The following EYA4 variants were observed in gnomAD, a reference collection of about 807,000 sequenced individuals.
The protein encoded by EYA4 is EYA transcriptional coactivator and phosphatase 4.
EYA4 carries 31 observed loss-of-function variants against 87.9 expected under a neutral mutation model. The ratio of observed to expected loss-of-function variants is 0.35; its 90% CI spans 0.27 to 0.48. The LOEUF (loss-of-function observed/expected upper bound fraction) is 0.48. Ranked by LOEUF, EYA4 falls within the 20% of genes least tolerant of loss-of-function variation. The probability of loss-of-function intolerance (pLI) is 0.99; values close to 1 mark genes in which losing one functional copy is unlikely to be tolerated. For missense variants in EYA4, 678 were observed against 761.4 expected, an observed-to-expected ratio of 0.89 and a Z score of 1.29; for synonymous variants, 263 against 270.6, an observed-to-expected ratio of 0.97 and a Z score of 0.28.
chr6:133,249,179 T>C (rs963511776), intron 1 of EYA4, among the ~76,000 whole-genome samples: 1 of 152,154 alleles, frequency 6.6e-6, no homozygotes, highest in Non-Finnish European at 1.5e-5. Context: ...TGTATTCTTA[T>C]ATTTTTACAT....
intron 11 of EYA4, among the ~76,000 whole-genome samples, chr6:133,475,055 G>C (rs2128691656): frequency 6.6e-6 from 1 of 152,212 alleles, no homozygotes; most frequent in South Asian, 2.1e-4. Context: ...ATTCAATCAT[G>C]TATAGTATTG....
chr6:133,264,788 G>T (rs1420514923), intron 1 of EYA4, among the ~76,000 whole-genome samples: 1 of 152,108 alleles, frequency 6.6e-6, no homozygotes, highest in Non-Finnish European at 1.5e-5. Flanking sequence ...CGTTTCTTTA[G>T]CCAGAGCAAA....
intron 9 of EYA4, 144 bp from the exon 10 acceptor site, chr6:133,464,635 T>G (rs1794689573): frequency 1.5e-6 from 1 of 663,868 alleles, no homozygotes; most frequent in African/African-American, 1.8e-5. Context: ...CTAAGCCTAT[T>G]TTCTGTATAA....
At chr6:133,352,318 T>C (rs538176577) in intron 2 of EYA4, among the ~76,000 whole-genome samples, 1 of 152,148 alleles carries the variant, frequency 6.6e-6, no homozygotes, top group Admixed American at 6.5e-5. Flanking sequence ...TACCATAGAT[T>C]TGACCAGTAA....
chr6:133,513,782 A>G (rs1344079905), intron 16 of EYA4, among the ~76,000 whole-genome samples: 1 of 152,156 alleles, frequency 6.6e-6, no homozygotes, highest in Non-Finnish European at 1.5e-5. Context: ...AGGTCACATC[A>G]GATTAATCTC....
chr6:133,518,562 A>T (rs1183554209), intron 17 of EYA4, among the ~76,000 whole-genome samples: 3 of 152,182 alleles, frequency 2.0e-5, no homozygotes, highest in Non-Finnish European at 2.9e-5. Flanking sequence ...AAATTAACTT[A>T]CCCTCTGACC....
At chr6:133,466,024 A>T (rs937438234) in intron 10 of EYA4, among the ~76,000 whole-genome samples, 1 of 152,112 alleles carries the variant, frequency 6.6e-6, no homozygotes, top group African/African-American at 2.4e-5. Context: ...GCAAGCATTT[A>T]TTGAGCACTT....
intron 1 of EYA4, among the ~76,000 whole-genome samples, chr6:133,273,781 G>A (rs1464055201): frequency 1.3e-5 from 2 of 152,022 alleles, no homozygotes; most frequent in African/African-American, 2.4e-5. Context: ...TTTCTGTAGG[G>A]CATGTGCCTT....
intron 3 of EYA4, among the ~76,000 whole-genome samples, chr6:133,432,688 G>A (rs911768267): frequency 2.0e-5 from 3 of 151,944 alleles, no homozygotes; most frequent in South Asian, 2.1e-4. Context: ...CTGCATGTTC[G>A]TCTTTTTTTT....
chr6:133,351,258 G>A (rs1344556512), intron 2 of EYA4, among the ~76,000 whole-genome samples: 2 of 152,148 alleles, frequency 1.3e-5, no homozygotes, highest in Admixed American at 1.3e-4. Context: ...GGTATTTAGT[G>A]AGGCCTCTGT....
intron 2 of EYA4, among the ~76,000 whole-genome samples, chr6:133,275,234 C>T (rs930750203): frequency 2.0e-5 from 3 of 152,150 alleles, no homozygotes; most frequent in Non-Finnish European, 4.4e-5. Context: ...AGTTCTCAAG[C>T]GCTTTTAGTA....
chr6:133,521,910 A>G (rs1800186965), intron 17 of EYA4, among the ~76,000 whole-genome samples: 2 of 142,774 alleles, frequency 1.4e-5, no homozygotes, highest in Non-Finnish European at 3.0e-5. Flanking sequence ...GTGGAAATTG[A>G]ACAATGAGAT....
At chr6:133,397,367 A>G (rs1787893870) in intron 3 of EYA4, among the ~76,000 whole-genome samples, 1 of 152,226 alleles carries the variant, frequency 6.6e-6, no homozygotes, top group Non-Finnish European at 1.5e-5. Flanking sequence ...CAAAACGCCT[A>G]CATTTCCAGC....
At chr6:133,428,323 A>G (rs1790857753) in intron 3 of EYA4, among the ~76,000 whole-genome samples, 1 of 152,210 alleles carries the variant, frequency 6.6e-6, no homozygotes, top group African/African-American at 2.4e-5. Context: ...CCTCATTGAG[A>G]TGAAATAAGG....
Position 133,462,394 on chromosome 6 carries a change from A to G in EYA4, c.497A>G (p.Gln166Arg). ...CAAACAATGTCTGCCTATGCAGGCCAGACTCAGTATTCGGGGATGCAGCAG... is the reference window on the plus strand; with the variant it reads ...CAAACAATGTCTGCCTATGCAGGCCGGACTCAGTATTCGGGGATGCAGCAG... ...AAQTMSAYAG[Q>R]TQYSGMQQPA... is the part of the protein sequence containing the mutation. The change falls in exon 8 of 20, where the codon CAG (glutamine) becomes CGG (arginine). Residue 166 changes from glutamine (Q) to arginine (R), a missense_variant. Physicochemically the swap from Gln to Arg is conservative, Grantham distance 43. Coordinates refer to ENST00000355286, the MANE Select transcript of EYA4 (RefSeq NM_004100.5). 6.2e-7 allele frequency: 1 copy of G among 1,614,084 alleles called. No homozygotes were observed. The highest frequency in any genetic ancestry group is 8.5e-7 in the Non-Finnish European group (1 of 1,179,946).
intron 2 of EYA4, among the ~76,000 whole-genome samples, chr6:133,311,812 C>T (rs933926381): frequency 2.6e-5 from 4 of 151,950 alleles, no homozygotes; most frequent in South Asian, 2.1e-4. Context: ...TGTCCAACAC[C>T]GGCACTGTGC....
At chr6:133,332,808 C>T (rs761011997) in intron 2 of EYA4, among the ~76,000 whole-genome samples, 18 of 151,244 alleles carry the variant, frequency 1.2e-4, no homozygotes, top group Admixed American at 2.0e-4. Flanking sequence ...GTGATCCGCC[C>T]GCGTTGGCCT....
At chr6:133,431,455 CACTGTCAGATCTACT>C in intron 3 of EYA4, among the ~76,000 whole-genome samples, 1 of 152,102 alleles carries the variant, frequency 6.6e-6, no homozygotes, top group East Asian at 1.9e-4. Flanking sequence ...CAAGTAATAG[CACTGTCAGATCTACT>C]ACAATAAATA....
intron 3 of EYA4, among the ~76,000 whole-genome samples, chr6:133,428,971 G>C (rs1159674656): frequency 8.8e-6 from 1 of 113,684 alleles, no homozygotes; most frequent in Admixed American, 1.3e-4. Context: ...CTGTTGCCCA[G>C]GCTGGAGGGC....
Sources: gnomAD v4.1 joint callset for allele counts (sites outside exome capture counted in the v4.1 genomes callset) on GRCh38, gnomAD v4.1.1 for gene constraint, MANE v1.5 for transcripts, NCBI Gene and HGNC (gene_info 2026-07-23, HGNC 2026-07-21) for gene names.